Variants in GPHN observed in about 807,000 individuals in gnomAD.
GPHN encodes the protein gephyrin.
GPHN carries 17 observed loss-of-function variants against 95.5 expected under a neutral mutation model. The ratio of observed to expected loss-of-function variants is 0.18; its 90% CI spans 0.12 to 0.27. The LOEUF is 0.27. GPHN is among the 10% of genes least tolerant of loss of function. The probability of loss-of-function intolerance (pLI) is 1.00; values close to 1 mark genes in which losing one functional copy is unlikely to be tolerated. For synonymous variants in GPHN, 320 were observed against 322.5 expected, an observed-to-expected ratio of 0.99 and a Z score of 0.08; for missense variants, 660 against 978.1, an observed-to-expected ratio of 0.67 and a Z score of 4.34.
the GPHN span, among the ~76,000 whole-genome samples, chr14:67,511,354 CA>C: frequency 0.64 from 96,315 of 151,112 alleles, 32,311 homozygotes; most frequent in Non-Finnish European, 0.76. Flanking sequence ...TTTAAAAAAA[CA>C]AAAAAACAAA....
intron 8 of GPHN, among the ~76,000 whole-genome samples, chr14:66,932,974 T>C (rs1400834251): frequency 6.6e-6 from 1 of 152,218 alleles, no homozygotes; most frequent in Non-Finnish European, 1.5e-5. Flanking sequence ...TTGAGAATGA[T>C]TGTAAAACTG....
At chr14:66,678,848 C>T (rs1180128753) in intron 1 of GPHN, among the ~76,000 whole-genome samples, 1 of 152,140 alleles carries the variant, frequency 6.6e-6, no homozygotes, top group Non-Finnish European at 1.5e-5. Flanking sequence ...ATAATGTTAA[C>T]AGTGTCTGCA....
At chr14:66,937,614 G>T (rs962427397) in intron 8 of GPHN, among the ~76,000 whole-genome samples, 3 of 151,882 alleles carry the variant, frequency 2.0e-5, no homozygotes, top group African/African-American at 7.3e-5. Flanking sequence ...TCTTGACCTT[G>T]TGATCCGGCT....
At chr14:67,253,318 A>C in the GPHN span, among the ~76,000 whole-genome samples, 1 of 152,232 alleles carries the variant, frequency 6.6e-6, no homozygotes, top group South Asian at 2.1e-4. Flanking sequence ...TGGTTGTTAT[A>C]GTCTGAGGTA....
chr14:67,045,211 C>G (rs1351561378), intron 10 of GPHN, among the ~76,000 whole-genome samples: 2 of 152,172 alleles, frequency 1.3e-5, no homozygotes, highest in African/African-American at 4.8e-5. Context: ...AAGCCCTGTC[C>G]GTTCTGTCTC....
At chr14:66,565,118 A>G (rs2060408782) in intron 1 of GPHN, among the ~76,000 whole-genome samples, 1 of 152,160 alleles carries the variant, frequency 6.6e-6, no homozygotes, top group Non-Finnish European at 1.5e-5. Context: ...GGGTCTTGGC[A>G]GCATTTCTCA....
At chr14:67,163,508 T>C (rs749096568) in intron 19 of GPHN, among the ~76,000 whole-genome samples, 1 of 151,794 alleles carries the variant, frequency 6.6e-6, no homozygotes, top group Non-Finnish European at 1.5e-5. Flanking sequence ...ACAAGAACTA[T>C]AGAAACATAG....
intron 20 of GPHN, among the ~76,000 whole-genome samples, chr14:67,166,808 T>C (rs1282826896): frequency 1.3e-5 from 2 of 152,212 alleles, no homozygotes; most frequent in Non-Finnish European, 2.9e-5. Flanking sequence ...TAGCTGGGAC[T>C]ATAGGCGCTT....
chr14:66,631,139 C>G (rs1337524024), intron 1 of GPHN, among the ~76,000 whole-genome samples: 1 of 152,034 alleles, frequency 6.6e-6, no homozygotes, highest in African/African-American at 2.4e-5. Flanking sequence ...ACCTCCACCT[C>G]TTGGGTTCAA....
intron 2 of GPHN, among the ~76,000 whole-genome samples, chr14:66,695,351 A>T (rs1168150782): frequency 1.3e-5 from 2 of 152,182 alleles, no homozygotes; most frequent in African/African-American, 4.8e-5. Context: ...TATCTATTAG[A>T]ATGGTCATAA....
intron 2 of GPHN, among the ~76,000 whole-genome samples, chr14:66,684,601 C>T (rs768411679): frequency 1.3e-5 from 2 of 152,124 alleles, no homozygotes; most frequent in Non-Finnish European, 2.9e-5. Context: ...CAGTATTTTA[C>T]TGCCATTGTA....
the GPHN span, chr14:67,580,827 C>T: frequency 1.4e-6 from 1 of 701,806 alleles, no homozygotes; most frequent in Non-Finnish European, 2.5e-6. Context: ...GGTGGGAGGA[C>T]TTTTCCTTAG....
At chr14:66,771,158 T>C (rs958171147) in intron 2 of GPHN, among the ~76,000 whole-genome samples, 3 of 152,218 alleles carry the variant, frequency 2.0e-5, no homozygotes, top group Admixed American at 6.5e-5. Flanking sequence ...ATTTCAGTTA[T>C]CACTCTCTTC....
chr14:66,722,478 C>G (rs2153428666), intron 2 of GPHN, among the ~76,000 whole-genome samples: 1 of 152,262 alleles, frequency 6.6e-6, no homozygotes, highest in East Asian at 1.9e-4. Flanking sequence ...GTCTCACTCT[C>G]TGTTGTCCAG....
chr14:66,865,764 A>G (rs923713514), intron 4 of GPHN, among the ~76,000 whole-genome samples: 2 of 152,228 alleles, frequency 1.3e-5, no homozygotes, highest in Non-Finnish European at 2.9e-5. Context: ...ATTCATAATC[A>G]TCTCAATATA....
At chr14:67,197,628 C>T in the GPHN span, among the ~76,000 whole-genome samples, 1 of 152,224 alleles carries the variant, frequency 6.6e-6, no homozygotes, top group Non-Finnish European at 1.5e-5. Flanking sequence ...AGAGCTAAGC[C>T]TCAGTTATGG....
chr14:67,193,891 G>T, the GPHN span, among the ~76,000 whole-genome samples: 2 of 138,146 alleles, frequency 1.4e-5, no homozygotes, highest in Non-Finnish European at 3.0e-5. Flanking sequence ...GCTGCAGTGA[G>T]CAATGATCAC....
At chr14:67,183,711 G>A (rs2083354022), downstream of GPHN, among the ~76,000 whole-genome samples, 2 of 151,628 alleles carry the variant, frequency 1.3e-5, no homozygotes, top group South Asian at 4.2e-4. Flanking sequence ...TTACAGGCAT[G>A]CACCGCCAGG....
chr14:66,726,070 G>A (rs1332651982), intron 2 of GPHN, among the ~76,000 whole-genome samples: 3 of 152,168 alleles, frequency 2.0e-5, no homozygotes, highest in Admixed American at 6.5e-5. Context: ...AGAAATATAA[G>A]TAACAGCTAC....
Sources: gnomAD v4.1 joint callset for allele counts (sites outside exome capture counted in the v4.1 genomes callset) on GRCh38, gnomAD v4.1.1 for gene constraint, MANE v1.5 for transcripts, NCBI Gene and HGNC (gene_info 2026-07-23, HGNC 2026-07-21) for gene names.